CSMD1: variants seen among roughly 807,000 people sequenced by gnomAD.
CSMD1 encodes the protein CUB and sushi domain-containing protein 1.
Under a neutral mutation model 417.5 loss-of-function variants are expected in CSMD1, and 213 were observed. The ratio of observed to expected loss-of-function variants is 0.51; its 90% CI spans 0.46 to 0.57. CSMD1 has a LOEUF of 0.57. CSMD1 is among the 20% of genes least tolerant of loss of function. The pLI, the probability that CSMD1 is intolerant of heterozygous loss-of-function variation, is 0.00. For synonymous variants in CSMD1, 2,862 were observed against 1,736.8 expected (o/e 1.65, Z -16.11); for missense variants, 6,923 against 4,529.7 (o/e 1.53, Z -15.17).
At chr8:4,295,726 C>T (rs1229699361) in intron 3 of CSMD1, among the ~76,000 whole-genome samples, 5 of 123,848 alleles carry the variant, frequency 4.0e-5, no homozygotes, top group African/African-American at 1.5e-4. Flanking sequence ...TTATATATAT[C>T]TGTGTGTGTG....
intron 3 of CSMD1, among the ~76,000 whole-genome samples, chr8:4,141,408 C>A (rs1341787582): frequency 6.6e-6 from 1 of 151,156 alleles, no homozygotes; most frequent in African/African-American, 2.5e-5. Context: ...TTTGGCTAAA[C>A]AAAGGAAACA....
At chr8:3,067,890 T>C (rs1487929807) in intron 49 of CSMD1, among the ~76,000 whole-genome samples, 1 of 152,158 alleles carries the variant, frequency 6.6e-6, no homozygotes, top group African/African-American at 2.4e-5. Flanking sequence ...GGGTCACTGT[T>C]GTCCAGAAAT....
At chr8:4,340,681 G>C (rs1480511649) in intron 3 of CSMD1, among the ~76,000 whole-genome samples, 1 of 151,988 alleles carries the variant, frequency 6.6e-6, no homozygotes, top group Non-Finnish European at 1.5e-5. Flanking sequence ...GAGTAGGCTG[G>C]AGTTTATTAG....
intron 10 of CSMD1, among the ~76,000 whole-genome samples, chr8:3,494,619 T>G (rs147784883): frequency 1.3e-5 from 2 of 151,090 alleles, no homozygotes; most frequent in Non-Finnish European, 3.0e-5. Context: ...TGACAGATAG[T>G]AGATAGATGA....
intron 5 of CSMD1, among the ~76,000 whole-genome samples, chr8:3,885,465 C>G (rs1806498077): frequency 6.6e-6 from 1 of 152,124 alleles, no homozygotes; most frequent in Non-Finnish European, 1.5e-5. Flanking sequence ...GTACAAATTT[C>G]TGCTTTTCTC....
At chr8:3,806,171 A>T (rs1800728536) in intron 5 of CSMD1, among the ~76,000 whole-genome samples, 1 of 152,152 alleles carries the variant, frequency 6.6e-6, no homozygotes, top group South Asian at 2.1e-4. Flanking sequence ...ATCATATAAG[A>T]TACCTTGGGT....
chr8:3,325,324 T>C lies in CSMD1; in HGVS notation c.3632-16821A>G, dbSNP rs145839339. Among the ~76,000 whole-genome samples, 1,314 of 152,344 alleles carry C rather than the reference T, an allele frequency of 8.6e-3. 22 individuals carry two copies. Among genetic ancestry groups the C allele is most frequent in the African/African-American group, 0.03 (1,242 of 41,568 alleles). ...AGAAGAATGGGAAAATATTCTGTCA[T>C]CGCTCCTATCATAACATTTTAGATT... On this transcript the variant is annotated intron_variant, in intron 23 of 69. Coordinates refer to ENST00000635120, the MANE Select transcript of CSMD1 (RefSeq NM_033225.6).
chr8:4,680,446 GT>G (rs1805966964), intron 1 of CSMD1, among the ~76,000 whole-genome samples: 2 of 152,138 alleles, frequency 1.3e-5, no homozygotes, highest in Non-Finnish European at 2.9e-5. Flanking sequence ...GACGTACCAT[GT>G]TCTCATCATC....
Position 3,214,370 on chromosome 8 carries a change from A to T in CSMD1, c.4867+127T>A, listed in dbSNP as rs959812879. On this transcript the variant is annotated intron_variant, in intron 30 of 69. Coordinates refer to ENST00000635120, the MANE Select transcript of CSMD1 (RefSeq NM_033225.6). ...GAATGACTGATATTCGTTCCACACT[A>T]GCTCTCTAAGCAATCCTCACCACCG... is the stretch of plus-strand genomic sequence containing the variant. 4.0e-6 allele frequency: 3 copies of T among 749,006 alleles called. No individual in the cohort carries two copies. In the African/African-American group the frequency reaches 5.3e-5, roughly 13 times the overall value. 46.4% of individuals were successfully genotyped at this position (749,006 alleles called of 1,614,324 possible). A position where few individuals can be genotyped will look rare whatever the true frequency, so the allele number is the denominator to read the frequency against.
intron 12 of CSMD1, among the ~76,000 whole-genome samples, chr8:3,452,899 C>G (rs1045089253): frequency 6.6e-6 from 1 of 152,284 alleles, no homozygotes; most frequent in East Asian, 1.9e-4. Context: ...ATGGTACCAG[C>G]TCCTCCTTGT....
At chr8:4,719,302 T>A (rs984438482) in intron 1 of CSMD1, among the ~76,000 whole-genome samples, 1 of 152,218 alleles carries the variant, frequency 6.6e-6, no homozygotes, top group African/African-American at 2.4e-5. Context: ...AAATGAAGCC[T>A]AATAAGAAAT....
At chr8:3,981,091 C>T (rs931254472) in intron 5 of CSMD1, among the ~76,000 whole-genome samples, 2 of 152,136 alleles carry the variant, frequency 1.3e-5, no homozygotes, top group African/African-American at 2.4e-5. Context: ...CAAGGACTTG[C>T]TATTTGCATA....
At chr8:3,895,539 C>T (rs1244857128) in intron 5 of CSMD1, among the ~76,000 whole-genome samples, 1 of 151,858 alleles carries the variant, frequency 6.6e-6, no homozygotes, top group Non-Finnish European at 1.5e-5. Context: ...AAATATGATC[C>T]TAAAAGGATA....
intron 2 of CSMD1, among the ~76,000 whole-genome samples, chr8:4,582,694 G>A (rs548899821): frequency 6.6e-6 from 1 of 152,276 alleles, no homozygotes; most frequent in East Asian, 1.9e-4. Flanking sequence ...GCTCGCTCTC[G>A]GCGCCTCCTC....
intron 3 of CSMD1, among the ~76,000 whole-genome samples, chr8:4,298,789 G>C (rs1797822200): frequency 6.6e-6 from 1 of 151,894 alleles, no homozygotes; most frequent in Non-Finnish European, 1.5e-5. Flanking sequence ...TTATTTTGAA[G>C]AATGTGTTTG....
chr8:3,426,044 C>A (rs1017757276), intron 12 of CSMD1, among the ~76,000 whole-genome samples: 2 of 152,148 alleles, frequency 1.3e-5, no homozygotes, highest in African/African-American at 2.4e-5. Context: ...CTGTGCCAAT[C>A]TGAAAATATT....
intron 3 of CSMD1, among the ~76,000 whole-genome samples, chr8:4,061,126 C>A (rs551681126): frequency 6.6e-6 from 1 of 152,130 alleles, no homozygotes; most frequent in Non-Finnish European, 1.5e-5. Flanking sequence ...AGATGGGCTC[C>A]AGCAGGCTCA....
intron 10 of CSMD1, among the ~76,000 whole-genome samples, chr8:3,547,670 A>ATGATT (rs1798732226): frequency 6.6e-6 from 1 of 152,226 alleles, no homozygotes. Context: ...TAAATATACT[A>ATGATT]CAACCTTTCT....
chr8:3,114,229 C>CTGAG (rs1052943518), intron 42 of CSMD1, among the ~76,000 whole-genome samples: 22 of 152,108 alleles, frequency 1.4e-4, no homozygotes, highest in Non-Finnish European at 3.2e-4. Context: ...GGGCAACAGC[C>CTGAG]TGAGACTCCA....
Sources: gnomAD v4.1 joint callset for allele counts (sites outside exome capture counted in the v4.1 genomes callset) on GRCh38, gnomAD v4.1.1 for gene constraint, MANE v1.5 for transcripts, NCBI Gene and HGNC (gene_info 2026-07-23, HGNC 2026-07-21) for gene names.